The following SH3D19 variants were observed in gnomAD, a reference collection of about 807,000 sequenced individuals.
SH3D19 encodes SH3 domain containing 19.
A neutral mutation model predicts 112.1 loss-of-function variants in SH3D19; 58 were observed. The observed-to-expected ratio is 0.52, with a 90% CI of 0.42 to 0.64. SH3D19 has a LOEUF of 0.64. Ranked by LOEUF, SH3D19 falls within the 30% of genes least tolerant of loss-of-function variation. The pLI is 0.00. For synonymous variants in SH3D19, 391 were observed against 448.5 expected, an observed-to-expected ratio of 0.87 and a Z score of 1.62; for missense variants, 1,090 against 1,263.4, an observed-to-expected ratio of 0.86 and a Z score of 2.08.
At chr4:151,207,424 AG>A (rs1436871299) in intron 2 of SH3D19, among the ~76,000 whole-genome samples, 1 of 152,240 alleles carries the variant, frequency 6.6e-6, no homozygotes, top group Non-Finnish European at 1.5e-5. Flanking sequence ...AGGGCAAAGA[AG>A]ACATCCTGCA....
chr4:151,275,838 TA>T (rs773850818), intron 1 of SH3D19, among the ~76,000 whole-genome samples: 3,938 of 64,886 alleles, frequency 0.061, 97 homozygotes, highest in East Asian at 0.15. Context: ...TTATTATTAT[TA>T]TTATTATTAT....
At chr4:151,269,789 T>C (rs142452230) in intron 1 of SH3D19, among the ~76,000 whole-genome samples, 2,912 of 152,052 alleles carry the variant, frequency 0.019, 43 homozygotes, top group Middle Eastern at 0.037. Flanking sequence ...TCTATATGCT[T>C]TTTTCTCTTT....
At chr4:151,149,394 A>C in intron 10 of SH3D19, 106 bp downstream of exon 10, 1 of 860,548 alleles carries the variant, frequency 1.2e-6, no homozygotes, top group Non-Finnish European at 1.9e-6. Flanking sequence ...AGATTATTTT[A>C]TCTCTAAAAA....
intron 11 of SH3D19, among the ~76,000 whole-genome samples, chr4:151,147,711 C>T (rs1754178400): frequency 6.6e-6 from 1 of 152,180 alleles, no homozygotes; most frequent in African/African-American, 2.4e-5. Context: ...GATCCACCAG[C>T]CTCAGCTTCC....
chr4:151,125,163 G>C (rs555673793), intron 19 of SH3D19, among the ~76,000 whole-genome samples: 12 of 152,306 alleles, frequency 7.9e-5, no homozygotes, highest in African/African-American at 2.4e-4. Flanking sequence ...ATAGCTTACA[G>C]CATAAGAAAT....
chr4:151,206,893 C>T (rs1459286146), intron 2 of SH3D19, among the ~76,000 whole-genome samples: 2 of 152,182 alleles, frequency 1.3e-5, no homozygotes, highest in Admixed American at 6.5e-5. Flanking sequence ...TTGCAGTCTT[C>T]TCTTGAACTC....
chr4:151,254,500 G>T lies in SH3D19; in HGVS notation c.113-28414C>A, dbSNP rs534579011. On this transcript the variant is annotated intron_variant, in intron 1 of 19. Transcript: ENST00000604030. ...GCAGTGTTTGTGTCCCTGGGTACTT[G>T]AGATTAGGGAGTGGTGATGACTCTT... 7.6e-3 allele frequency among the ~76,000 whole-genome samples: 988 copies of T among 130,744 alleles called. 12 individuals carry two copies. The highest frequency in any genetic ancestry group is 0.024 in the African/African-American group (927 of 38,674). The allele number at this position is 130,744 out of a possible 152,430, so 85.8% of individuals were successfully genotyped here.
At chr4:151,172,254 A>G (rs1759184582) in intron 7 of SH3D19, among the ~76,000 whole-genome samples, 1 of 152,242 alleles carries the variant, frequency 6.6e-6, no homozygotes, top group Admixed American at 6.5e-5. Flanking sequence ...GCCCCAAATC[A>G]AAAAGCAAAC....
chr4:151,234,738 T>TG (rs200910262), intron 1 of SH3D19, among the ~76,000 whole-genome samples: 58,643 of 83,624 alleles, frequency 0.7, 23,175 homozygotes, highest in Non-Finnish European at 0.77. Flanking sequence ...AGTTTGTGTT[T>TG]TTTTTTTTTT....
At chr4:151,218,499 A>T (rs557340999) in intron 2 of SH3D19, among the ~76,000 whole-genome samples, 1 of 152,172 alleles carries the variant, frequency 6.6e-6, no homozygotes, top group South Asian at 2.1e-4. Flanking sequence ...TAGTTCACCA[A>T]ACTCCTGGGA....
At chr4:151,197,604 C>T (rs575221978) in intron 2 of SH3D19, among the ~76,000 whole-genome samples, 8 of 152,304 alleles carry the variant, frequency 5.3e-5, no homozygotes, top group African/African-American at 1.9e-4. Flanking sequence ...TCTCAATTAA[C>T]CACTGCAATA....
chr4:151,193,203 T>C (rs1244753823), intron 2 of SH3D19, among the ~76,000 whole-genome samples: 1 of 152,318 alleles, frequency 6.6e-6, no homozygotes, highest in African/African-American at 2.4e-5. Flanking sequence ...TGGACTCAGT[T>C]GCCAGTTACA....
chr4:151,263,028 G>C (rs989699416), intron 1 of SH3D19, among the ~76,000 whole-genome samples: 1 of 152,192 alleles, frequency 6.6e-6, no homozygotes, highest in African/African-American at 2.4e-5. Flanking sequence ...TTCCAGAGTT[G>C]AGGATTCTGA....
intron 15 of SH3D19, among the ~76,000 whole-genome samples, chr4:151,134,807 G>A (rs1347067561): frequency 1.3e-5 from 2 of 152,132 alleles, no homozygotes; most frequent in Non-Finnish European, 2.9e-5. Context: ...AAAAAGACAC[G>A]ATGAGAATCT....
intron 2 of SH3D19, among the ~76,000 whole-genome samples, chr4:151,189,827 G>A (rs1175564976): frequency 1.3e-5 from 2 of 152,166 alleles, no homozygotes; most frequent in Non-Finnish European, 2.9e-5. Flanking sequence ...CTAGTAGAGT[G>A]GGTGCTGCTG....
chr4:151,183,728 G>A (rs1401147461), intron 3 of SH3D19, among the ~76,000 whole-genome samples: 2 of 152,162 alleles, frequency 1.3e-5, no homozygotes, highest in Admixed American at 6.5e-5. Context: ...AAGAATGAAA[G>A]ATCAATGAAA....
At chr4:151,288,897 G>C (rs1262098159) in intron 1 of SH3D19, among the ~76,000 whole-genome samples, 2 of 152,158 alleles carry the variant, frequency 1.3e-5, no homozygotes, top group Non-Finnish European at 2.9e-5. Flanking sequence ...AAATTGGCAA[G>C]CTGATCCTAA....
intron 1 of SH3D19, among the ~76,000 whole-genome samples, chr4:151,258,679 C>T (rs1580345089): frequency 6.6e-6 from 1 of 152,334 alleles, no homozygotes; most frequent in East Asian, 1.9e-4. Flanking sequence ...CAATTCCTCC[C>T]TTGGGTCCTG....
In SH3D19 at chr4:151,268,695, G is replaced by GT. The variant is rs554819577; in HGVS notation, c.113-42610dup. Among the ~76,000 whole-genome samples the GT allele has an allele frequency of 9.8e-3, 1,376 of 139,980 alleles. 11 individuals carry two copies. The highest frequency in any genetic ancestry group is 0.017 in the Middle Eastern group (5 of 286). 91.8% of individuals were successfully genotyped at this position (139,980 alleles called of 152,430 possible). A position where few individuals can be genotyped will look rare whatever the true frequency, so the allele number is the denominator to read the frequency against. ...TATGAGTGAGAATATGCGGTGTTTGGTTTTTTGTTCTTGCGATAGTTTACT... is the reference window on the plus strand; with the variant it reads ...TATGAGTGAGAATATGCGGTGTTTGGTTTTTTTGTTCTTGCGATAGTTTACT... On this transcript the variant is annotated intron_variant, in intron 1 of 19. Coordinates refer to ENST00000604030, the MANE Select transcript of SH3D19 (RefSeq NM_001378122.1).
Sources: allele counts gnomAD v4.1 joint callset (sites outside exome capture counted in the v4.1 genomes callset), GRCh38; gene constraint gnomAD v4.1.1; transcripts MANE v1.5; gene names NCBI Gene and HGNC (gene_info 2026-07-23, HGNC 2026-07-21).